Variants in IRF4 observed in about 807,000 individuals in gnomAD.
IRF4 encodes the protein interferon regulatory factor 4.
IRF4 carries 13 observed loss-of-function variants against 55.5 expected under a neutral mutation model. That is an observed-to-expected ratio of 0.23 (90% CI 0.15 to 0.37). The LOEUF is 0.37. Ranked by LOEUF, IRF4 falls within the 10% of genes least tolerant of loss-of-function variation. The pLI is 1.00. For synonymous variants in IRF4, 249 were observed against 240.7 expected (o/e 1.03, Z -0.32); for missense variants, 397 against 593.8 (o/e 0.67, Z 3.44).
At chr6:403,971 G>A (rs1046423007) in intron 7 of IRF4, among the ~76,000 whole-genome samples, 1 of 151,514 alleles carries the variant, frequency 6.6e-6, no homozygotes, top group Non-Finnish European at 1.5e-5. Flanking sequence ...AAAAAAAAAA[G>A]CAGGAAGTCA....
Position 394,809 on chromosome 6 carries a change from C to G in IRF4, c.217-12C>G. ...ATTTTGACTTTTCGTTCTCTTCATT[C>G]TTTCCCACCAGGCTTGGGCACTGTT... On this transcript the variant is annotated splice_polypyrimidine_tract_variant and intron_variant, in intron 2 of 8. Coordinates refer to ENST00000380956, the MANE Select transcript of IRF4 (RefSeq NM_002460.4). 2 of 1,604,846 alleles carry G rather than the reference C, an allele frequency of 1.2e-6. No homozygotes were observed. The highest frequency in any genetic ancestry group is 2.2e-5 in the East Asian group (1 of 44,802).
intron 1 of IRF4, among the ~76,000 whole-genome samples, chr6:392,198 A>T (rs887465924): frequency 6.6e-6 from 1 of 152,220 alleles, no homozygotes; most frequent in South Asian, 2.1e-4. Flanking sequence ...GTGGACCCCA[A>T]TCCGAGGCTC....
intron 4 of IRF4, among the ~76,000 whole-genome samples, chr6:396,800 G>A (rs1365253788): frequency 2.4e-5 from 2 of 83,118 alleles, no homozygotes; most frequent in East Asian, 9.2e-4. Context: ...CTTTAACCCC[G>A]TCTCGATGCC....
At chr6:402,289 T>C (rs751523940) in intron 7 of IRF4, among the ~76,000 whole-genome samples, 5 of 152,320 alleles carry the variant, frequency 3.3e-5, no homozygotes, top group Non-Finnish European at 7.3e-5. Context: ...TTTCTAAGCA[T>C]ATTTTTCAGA....
intron 2 of IRF4, 125 bp from the exon 3 acceptor site, chr6:394,696 G>C: frequency 1.2e-6 from 1 of 863,208 alleles, no homozygotes. Context: ...TCGATGCTGC[G>C]GTGAGCTATC....
chr6:392,010 C>G (rs1334463611), intron 1 of IRF4: 14 of 366,066 alleles, frequency 3.8e-5, no homozygotes, highest in South Asian at 1.2e-4. Context: ...CCAAGGCCCG[C>G]CTCCTTGGCT....
rs949678370 is a variant in IRF4, at chr6:409,875, T to TG, written c.*2277_*2278insG. 2.2e-5 allele frequency: 5 copies of TG among 229,200 alleles called. No individual in the cohort carries two copies. The highest frequency in any genetic ancestry group is 3.5e-5 in the Non-Finnish European group (4 of 115,400). 14.2% of individuals were successfully genotyped at this position (229,200 alleles called of 1,614,324 possible). ...GCTCCATTTCAATTGCTTTGTGACTTCTTCTTCTTTGTTTTTTTAAATATT... is the reference window on the plus strand; with the variant it reads ...GCTCCATTTCAATTGCTTTGTGACTTGCTTCTTCTTTGTTTTTTTAAATATT... On this transcript the variant is annotated 3_prime_UTR_variant, in exon 9 of 9. Coordinates refer to ENST00000380956, the MANE Select transcript of IRF4 (RefSeq NM_002460.4).
intron 2 of IRF4, 25 bp from the exon 3 acceptor site, chr6:394,796 C>A (rs371768937): frequency 6.3e-7 from 1 of 1,598,444 alleles, no homozygotes; most frequent in Admixed American, 1.8e-5. Context: ...TTTGACTTTT[C>A]GTTCTCTTCA....
In IRF4 at chr6:393,505, C is replaced by A; in HGVS notation, c.216+137C>A. Reference sequence around the variant, plus strand: ...GGCGGGCGGCGGAGGCATCAGGTGGCGTCGCCGGAGCCGCAGGAGGAGGAA... The same window carrying A: ...GGCGGGCGGCGGAGGCATCAGGTGGAGTCGCCGGAGCCGCAGGAGGAGGAA... On this transcript the variant is annotated intron_variant, in intron 2 of 8. Transcript: ENST00000380956. The surrounding 1 kb of genome is among the most constrained non-coding windows in gnomAD (Gnocchi z 5.4). The A allele has an allele frequency of 1.8e-6, 1 of 554,520 alleles. No individual in the cohort carries two copies. Among genetic ancestry groups the A allele is most frequent in the South Asian group, 7.3e-5 (1 of 13,608 alleles). The allele number at this position is 554,520 out of a possible 1,614,324, so 34.3% of individuals were successfully genotyped here.
Position 410,061 on chromosome 6 carries a change from G to C in IRF4, c.*2463G>C, listed in dbSNP as rs545036929. On this transcript the variant is annotated 3_prime_UTR_variant, in exon 9 of 9. Transcript: ENST00000380956. ...ATGAACTAGCTATGAAATACTCAGG[G>C]TTAGGAATCCTAGCACTTGTCTCAG... 3 of 226,292 alleles carry C rather than the reference G, an allele frequency of 1.3e-5. No individual in the cohort carries two copies. Among genetic ancestry groups the C allele is most frequent in the South Asian group, 3.7e-4 (2 of 5,464 alleles). The allele number at this position is 226,292 out of a possible 1,614,324, so 14.0% of individuals were successfully genotyped here.
chr6:406,804 A>G, intron 8 of IRF4: 5 of 1,218,992 alleles, frequency 4.1e-6, no homozygotes, highest in Non-Finnish European at 5.2e-6. Context: ...TATATAAAAT[A>G]CAGTCTCTAA....
intron 4 of IRF4, chr6:396,191 A>G: frequency 2.0e-6 from 1 of 489,840 alleles, no homozygotes; most frequent in Non-Finnish European, 3.6e-6. Context: ...TGGGAAACAG[A>G]TGTTTTGTGG....
intron 4 of IRF4, 52 bp downstream of exon 4, chr6:395,987 G>A (rs748767237): frequency 6.4e-6 from 9 of 1,415,102 alleles, no homozygotes; most frequent in Non-Finnish European, 8.9e-6. Context: ...TGGGCCAGCT[G>A]CCCACATGGC....
At chr6:406,263 G>C (rs1328959924) in intron 8 of IRF4, among the ~76,000 whole-genome samples, 1 of 152,238 alleles carries the variant, frequency 6.6e-6, no homozygotes, top group Non-Finnish European at 1.5e-5. Context: ...TTGATGATCG[G>C]CCGGGCACAG....
At chr6:392,418 G>A (rs747852068) in intron 1 of IRF4, among the ~76,000 whole-genome samples, 7 of 152,386 alleles carry the variant, frequency 4.6e-5, no homozygotes, top group Non-Finnish European at 7.3e-5. Flanking sequence ...CCGCTCTCCC[G>A]GGCCTGCTCC....
intron 5 of IRF4, 147 bp from the exon 6 acceptor site, chr6:398,681 C>G (rs1471030487): frequency 1.8e-6 from 1 of 558,732 alleles, no homozygotes; most frequent in Non-Finnish European, 3.2e-6. Flanking sequence ...AGAGCGTGCC[C>G]TGCTAGTTGC....
In IRF4 at chr6:391,786, C is replaced by T. The variant is rs1761108247; in HGVS notation, c.-79C>T. 1.1e-5 allele frequency: 5 copies of T among 456,118 alleles called. No individual in the cohort carries two copies. The highest frequency in any genetic ancestry group is 4.7e-5 in the Admixed American group (2 of 42,568). 28.3% of individuals were successfully genotyped at this position (456,118 alleles called of 1,614,324 possible). A position where few individuals can be genotyped will look rare whatever the true frequency, so the allele number is the denominator to read the frequency against. ...GCTCGATCTTGGGACCCACCGCTGC[C>T]CTCAGCTCCGAGTCCAGGGCGAGGT... On this transcript the variant is annotated 5_prime_UTR_variant, in exon 1 of 9. Coordinates refer to ENST00000380956, the MANE Select transcript of IRF4 (RefSeq NM_002460.4).
chr6:407,716 G>T lies in IRF4; in HGVS notation c.*118G>T. On this transcript the variant is annotated 3_prime_UTR_variant, in exon 9 of 9. Coordinates refer to ENST00000380956, the MANE Select transcript of IRF4 (RefSeq NM_002460.4). Reference sequence around the variant, plus strand: ...TGCAGTGACACAATCTCAGCTCACTGTGACCTCCGCCTCCTGGGTTCAAGA... The same window carrying T: ...TGCAGTGACACAATCTCAGCTCACTTTGACCTCCGCCTCCTGGGTTCAAGA... 2 of 930,074 alleles carry T rather than the reference G, an allele frequency of 2.2e-6. No individual in the cohort carries two copies. Among genetic ancestry groups the T allele is most frequent in the Non-Finnish European group, 1.6e-6 (1 of 630,326 alleles). The allele number at this position is 930,074 out of a possible 1,614,324, so 57.6% of individuals were successfully genotyped here.
intron 4 of IRF4, 78 bp downstream of exon 4, chr6:396,013 G>C (rs1217957976): frequency 8.7e-7 from 1 of 1,152,296 alleles, no homozygotes; most frequent in Non-Finnish European, 1.3e-6. Flanking sequence ...AACCACAGCA[G>C]CCCAGACAGC....
Sources: allele counts gnomAD v4.1 joint callset (sites outside exome capture counted in the v4.1 genomes callset), GRCh38; gene constraint gnomAD v4.1.1; non-coding constraint Gnocchi (gnomAD v3.1); transcripts MANE v1.5; gene names NCBI Gene and HGNC (gene_info 2026-07-23, HGNC 2026-07-21).